Variants in RNFT2 observed in about 807,000 individuals in gnomAD.
RNFT2 encodes E3 ubiquitin-protein ligase RNFT2.
RNFT2 carries 36 observed loss-of-function variants against 53.0 expected under a neutral mutation model. That is an observed-to-expected ratio of 0.68 (90% CI 0.52 to 0.90). RNFT2 has a LOEUF of 0.90. Ranked by LOEUF, RNFT2 falls within the 40% of genes least tolerant of loss-of-function variation. The pLI is 0.00. For missense variants in RNFT2, 514 were observed against 585.6 expected, an observed-to-expected ratio of 0.88 and a Z score of 1.26; for synonymous variants, 260 against 253.2, an observed-to-expected ratio of 1.03 and a Z score of -0.26.
At chr12:116,808,201 G>C (rs542831637) in intron 7 of RNFT2, among the ~76,000 whole-genome samples, 1 of 152,214 alleles carries the variant, frequency 6.6e-6, no homozygotes, top group African/African-American at 2.4e-5. Context: ...CTGACCTCAG[G>C]TGATCCACCT....
chr12:116,788,298 C>T (rs1566081444), intron 7 of RNFT2, among the ~76,000 whole-genome samples: 1 of 152,168 alleles, frequency 6.6e-6, no homozygotes, highest in Non-Finnish European at 1.5e-5. Context: ...CTGTTCTTAT[C>T]CCATTTTCCA....
intron 3 of RNFT2, among the ~76,000 whole-genome samples, chr12:116,743,342 C>T (rs1871737713): frequency 6.7e-6 from 1 of 149,366 alleles, no homozygotes; most frequent in Non-Finnish European, 1.5e-5. Context: ...TCTCAGCTCA[C>T]TACAACTTCC....
intron 7 of RNFT2, among the ~76,000 whole-genome samples, chr12:116,829,724 C>T (rs1301904054): frequency 6.6e-6 from 1 of 152,134 alleles, no homozygotes; most frequent in African/African-American, 2.4e-5. Flanking sequence ...GGATTATAGG[C>T]ACGTGCCACC....
rs556600913 is a variant in RNFT2, at chr12:116,794,542, G to A, written c.882+15194G>A. On this transcript the variant is annotated intron_variant, in intron 7 of 10. Transcript: ENST00000257575. ...GAACCCGGGAGGGGGAGGCTGCAGT[G>A]AGCCGAGATTGTGCCACTGCACTCC... 2.5e-3 allele frequency among the ~76,000 whole-genome samples: 379 copies of A among 151,608 alleles called. 3 individuals are homozygous for A. Among genetic ancestry groups the A allele is most frequent in the African/African-American group, 8.7e-3 (359 of 41,162 alleles).
rs1226677276 is a variant in RNFT2 at position 116,851,096 on chromosome 12, C to T, written c.*1648C>T. ...TGATGGGGGAGGTACTGTTGGGTCC[C>T]CTGTTTTATAGATGAGGAAACTTGG... On this transcript the variant is annotated 3_prime_UTR_variant, in exon 11 of 11. Transcript: ENST00000257575. The T allele has an allele frequency of 6.6e-6, 1 of 152,178 alleles. No homozygotes were observed. The highest frequency in any genetic ancestry group is 1.5e-5 in the Non-Finnish European group (1 of 68,134). 9.4% of individuals were successfully genotyped at this position (152,178 alleles called of 1,614,324 possible).
chr12:116,784,195 G>C (rs1360681621), intron 7 of RNFT2, among the ~76,000 whole-genome samples: 3 of 152,220 alleles, frequency 2.0e-5, no homozygotes, highest in Non-Finnish European at 4.4e-5. Flanking sequence ...ATTCACTTCT[G>C]TAAGTAGACT....
chr12:116,814,972 G>A (rs1875576793), intron 7 of RNFT2, among the ~76,000 whole-genome samples: 2 of 152,114 alleles, frequency 1.3e-5, no homozygotes, highest in South Asian at 4.2e-4. Context: ...CTGACCTCAG[G>A]TGACCCGCCT....
At chr12:116,767,230 C>CT (rs1005647155) in intron 6 of RNFT2, among the ~76,000 whole-genome samples, 65 of 151,110 alleles carry the variant, frequency 4.3e-4, no homozygotes, top group East Asian at 3.3e-3. Flanking sequence ...GTTTGTTTTG[C>CT]TTTTTTTTTG....
intron 8 of RNFT2, 23 bp downstream of exon 8, chr12:116,833,964 G>A: frequency 6.3e-7 from 1 of 1,580,134 alleles, no homozygotes; most frequent in Non-Finnish European, 8.6e-7. Context: ...CAAGGCTGGA[G>A]GGCCGGCCTA....
At chr12:116,842,107 G>T (rs945120975) in intron 10 of RNFT2, among the ~76,000 whole-genome samples, 1 of 150,806 alleles carries the variant, frequency 6.6e-6, no homozygotes, top group African/African-American at 2.4e-5. Flanking sequence ...CTGCATCCAA[G>T]CTCCGCCGTG....
intron 10 of RNFT2, 53 bp from the exon 11 acceptor site, chr12:116,849,261 G>A (rs567505855): frequency 2.1e-5 from 30 of 1,439,676 alleles, no homozygotes; most frequent in Middle Eastern, 1.7e-4. Flanking sequence ...TCCCGAGACC[G>A]AGGCAGACGC....
rs891204745 is a variant in RNFT2, at chr12:116,840,232, A to G, written c.1200+3950A>G. 5.9e-5 allele frequency among the ~76,000 whole-genome samples: 9 copies of G among 152,198 alleles called. No homozygotes were observed. In the East Asian group the frequency reaches 1.5e-3, roughly 26 times the overall value. On this transcript the variant is annotated intron_variant, in intron 10 of 10. Coordinates refer to ENST00000257575, the MANE Select transcript of RNFT2 (RefSeq NM_001382266.1). ...GACTCCTGTTGATTTCGTGCTTACA[A>G]GTTCTTCATACTTGACCTTATCTGT...
intron 9 of RNFT2, 60 bp from the exon 10 acceptor site, chr12:116,836,121 C>A: frequency 6.3e-7 from 1 of 1,592,418 alleles, no homozygotes; most frequent in South Asian, 1.1e-5. Context: ...TCACAGTGCT[C>A]CTGAGGGCGT....
intron 7 of RNFT2, among the ~76,000 whole-genome samples, chr12:116,820,629 C>T (rs2137180621): frequency 6.6e-6 from 1 of 152,178 alleles, no homozygotes; most frequent in Non-Finnish European, 1.5e-5. Flanking sequence ...CTCTTTCTCC[C>T]ACATCTTACT....
rs771433716 is a variant in RNFT2 at position 116,841,629 on chromosome 12, TC to T, written c.1200+5350del. Among the ~76,000 whole-genome samples, 7 of 149,354 alleles carry T rather than the reference TC, an allele frequency of 4.7e-5. No homozygotes were observed. In the East Asian group the frequency reaches 7.9e-4, roughly 17 times the overall value. On this transcript the variant is annotated intron_variant, in intron 10 of 10. Transcript: ENST00000257575. ...CTGGCATGGTGGCACACACCTGTAG[TC>T]CCAGCTACTCGGGAGTCTAGGGCAG...
In RNFT2 at chr12:116,750,030, G is replaced by A; in HGVS notation, c.273G>A (p.Met91Ile). Residue 91 changes from methionine to isoleucine, a missense_variant, in exon 4 of 11, where the codon ATG becomes ATA. This residue lies in a region of RNFT2 where 237 missense variants were observed against 235.1 expected (regional missense o/e 1.01). Transcript: ENST00000257575. The stretch of plus-strand genomic sequence containing the variant: ...GCGGCGGGGACGTGTTCATCCAGAT[G>A]CCCGCGTCCAGGGAGGAAGGAGGGG... Reference protein sequence around the residue: ...SAGGGDVFIQMPASREEGGGR... With the variant: ...SAGGGDVFIQIPASREEGGGR... 6.4e-7 allele frequency: 1 copy of A among 1,552,754 alleles called. No homozygotes were observed. Among genetic ancestry groups the A allele is most frequent in the Non-Finnish European group, 8.7e-7 (1 of 1,149,084 alleles).
intron 7 of RNFT2, among the ~76,000 whole-genome samples, chr12:116,803,444 C>T (rs1196782623): frequency 1.3e-5 from 2 of 151,896 alleles, no homozygotes; most frequent in Non-Finnish European, 2.9e-5. Context: ...GAGATTGAAC[C>T]TTTTCCATGC....
At chr12:116,816,699 A>G (rs1875700329) in intron 7 of RNFT2, among the ~76,000 whole-genome samples, 1 of 152,196 alleles carries the variant, frequency 6.6e-6, no homozygotes, top group Non-Finnish European at 1.5e-5. Context: ...ACTGAGCCTC[A>G]GTTTCTCTCA....
chr12:116,810,299 T>C (rs1198658771), intron 7 of RNFT2, among the ~76,000 whole-genome samples: 1 of 152,112 alleles, frequency 6.6e-6, no homozygotes. Flanking sequence ...GGCTGGGAGT[T>C]ACCCAGGCAT....
Sources: allele counts gnomAD v4.1 joint callset (sites outside exome capture counted in the v4.1 genomes callset), GRCh38; gene constraint gnomAD v4.1.1; regional missense constraint gnomAD v4.1.1; transcripts MANE v1.5; gene names NCBI Gene and HGNC (gene_info 2026-07-23, HGNC 2026-07-21).